Variants in DLGAP2 observed in about 807,000 individuals in gnomAD.
The protein encoded by DLGAP2 is DLG associated protein 2.
DLGAP2 carries 26 observed loss-of-function variants against 100.3 expected under a neutral mutation model. That is an observed-to-expected ratio of 0.26 (90% CI 0.19 to 0.36). DLGAP2 has a LOEUF of 0.36. Among genes scored for constraint, DLGAP2 ranks in the 10% least tolerant of loss-of-function variants. DLGAP2 has a pLI of 1.00. For synonymous variants in DLGAP2, 886 were observed against 630.1 expected (o/e 1.41, Z -6.08); for missense variants, 1,858 against 1,453.2 (o/e 1.28, Z -4.53).
At chr8:1,500,231 C>T (rs1273049177) in intron 3 of DLGAP2, among the ~76,000 whole-genome samples, 1 of 152,230 alleles carries the variant, frequency 6.6e-6, no homozygotes, top group Non-Finnish European at 1.5e-5. Flanking sequence ...ATGCTCCCTG[C>T]CCCCCTCCTC....
chr8:1,500,256 A>G (rs945913671), intron 3 of DLGAP2, among the ~76,000 whole-genome samples: 12 of 152,106 alleles, frequency 7.9e-5, no homozygotes, highest in African/African-American at 2.9e-4. Flanking sequence ...CACTCCCCAC[A>G]CCACTCACTG....
At chr8:1,312,750 A>T (rs1173568454) in intron 3 of DLGAP2, among the ~76,000 whole-genome samples, 7 of 152,222 alleles carry the variant, frequency 4.6e-5, no homozygotes, top group Non-Finnish European at 1.0e-4. Flanking sequence ...TTAACTTGGA[A>T]TTCATCCCAT....
At chr8:1,593,294 A>C (rs1796345540) in intron 6 of DLGAP2, among the ~76,000 whole-genome samples, 1 of 151,966 alleles carries the variant, frequency 6.6e-6, no homozygotes, top group Non-Finnish European at 1.5e-5. Context: ...CTCTACTAAA[A>C]ATACAAAACA....
At chr8:1,210,017 A>C (rs965075157) in intron 2 of DLGAP2, among the ~76,000 whole-genome samples, 4 of 152,256 alleles carry the variant, frequency 2.6e-5, no homozygotes, top group African/African-American at 9.6e-5. Flanking sequence ...AGTGTCAGTC[A>C]TGGTGCTCAG....
At chr8:1,416,509 T>A (rs1355171063) in intron 3 of DLGAP2, among the ~76,000 whole-genome samples, 1 of 152,214 alleles carries the variant, frequency 6.6e-6, no homozygotes, top group Non-Finnish European at 1.5e-5. Flanking sequence ...AGTGAGGACA[T>A]GGAGTTCTAG....
intron 1 of DLGAP2, among the ~76,000 whole-genome samples, chr8:813,886 A>C (rs1188690437): frequency 6.6e-6 from 1 of 152,200 alleles, no homozygotes; most frequent in Non-Finnish European, 1.5e-5. Context: ...CTGGGGCCCC[A>C]GAAGCAGGAC....
chr8:1,423,762 T>C (rs1367226294), intron 3 of DLGAP2, among the ~76,000 whole-genome samples: 1 of 152,166 alleles, frequency 6.6e-6, no homozygotes, highest in South Asian at 2.1e-4. Flanking sequence ...CAGCCAGGGC[T>C]AGTGGCAGGA....
At chr8:1,413,669 A>T (rs1796795827) in intron 3 of DLGAP2, among the ~76,000 whole-genome samples, 1 of 152,254 alleles carries the variant, frequency 6.6e-6, no homozygotes, top group Non-Finnish European at 1.5e-5. Flanking sequence ...CAATGATTGG[A>T]GTCACTCTTA....
intron 5 of DLGAP2, among the ~76,000 whole-genome samples, chr8:1,565,355 C>T (rs1458842486): frequency 6.6e-6 from 1 of 150,410 alleles, no homozygotes; most frequent in African/African-American, 2.5e-5. Flanking sequence ...TTTCAATTTC[C>T]TCTTATACCA....
At chr8:1,662,576 G>T (rs1399070293) in intron 8 of DLGAP2, among the ~76,000 whole-genome samples, 1 of 152,230 alleles carries the variant, frequency 6.6e-6, no homozygotes, top group African/African-American at 2.4e-5. Context: ...CCAACAACTG[G>T]AGAAGCATCT....
At chr8:761,725 C>T (rs1214725621) in intron 1 of DLGAP2, among the ~76,000 whole-genome samples, 1 of 152,172 alleles carries the variant, frequency 6.6e-6, no homozygotes, top group Non-Finnish European at 1.5e-5. Context: ...CGGCCCGAAA[C>T]GCGGAGCCAG....
At chr8:1,238,237 A>G (rs1585179528) in intron 2 of DLGAP2, among the ~76,000 whole-genome samples, 1 of 54,218 alleles carries the variant, frequency 1.8e-5, no homozygotes, top group Admixed American at 1.9e-4. Flanking sequence ...GTTCTCTCAC[A>G]TGGTGCCATG....
At chr8:1,049,250 G>A (rs1399399341) in intron 2 of DLGAP2, among the ~76,000 whole-genome samples, 2 of 152,144 alleles carry the variant, frequency 1.3e-5, no homozygotes, top group African/African-American at 2.4e-5. Flanking sequence ...ATGCAAACGG[G>A]GGAAATGTAT....
chr8:898,196 G>A (rs1001990274), intron 1 of DLGAP2, among the ~76,000 whole-genome samples: 37 of 152,176 alleles, frequency 2.4e-4, no homozygotes, highest in Non-Finnish European at 3.8e-4. Context: ...CTGTGTGGGG[G>A]CAGAAGTGCT....
chr8:1,276,384 C>T (rs1366594268), intron 3 of DLGAP2, among the ~76,000 whole-genome samples: 1 of 151,982 alleles, frequency 6.6e-6, no homozygotes, highest in Non-Finnish European at 1.5e-5. Flanking sequence ...TCAGATGGAA[C>T]CGTTTTGGAT....
chr8:1,295,664 C>T (rs1053295493), intron 3 of DLGAP2, among the ~76,000 whole-genome samples: 1 of 152,148 alleles, frequency 6.6e-6, no homozygotes, highest in Non-Finnish European at 1.5e-5. Context: ...TCGTAAAAGC[C>T]AATTTGGATC....
chr8:1,319,823 G>A (rs1229790614), intron 3 of DLGAP2, among the ~76,000 whole-genome samples: 2 of 152,200 alleles, frequency 1.3e-5, no homozygotes, highest in East Asian at 3.9e-4. Context: ...TCACATGCCA[G>A]ACAATGGCAA....
At chr8:1,297,541 A>G (rs1283327925) in intron 3 of DLGAP2, among the ~76,000 whole-genome samples, 3 of 138,326 alleles carry the variant, frequency 2.2e-5, no homozygotes, top group African/African-American at 5.4e-5. Context: ...CAGGGAGGAG[A>G]AACGTGGCAG....
intron 6 of DLGAP2, chr8:1,621,312 C>A (rs1366969091): frequency 1.3e-5 from 2 of 152,854 alleles, no homozygotes; most frequent in African/African-American, 4.8e-5. Context: ...GGGACCAGGG[C>A]AGAGGAGAGC....
Sources: gnomAD v4.1 joint callset for allele counts (sites outside exome capture counted in the v4.1 genomes callset) on GRCh38, gnomAD v4.1.1 for gene constraint, MANE v1.5 for transcripts, NCBI Gene and HGNC (gene_info 2026-07-23, HGNC 2026-07-21) for gene names.